The following CRIM1 variants were observed in gnomAD, a reference collection of about 807,000 sequenced individuals.
CRIM1 encodes the protein cysteine rich transmembrane BMP regulator 1, also known as cysteine-rich motor neuron 1 protein.
A neutral mutation model predicts 116.4 loss-of-function variants in CRIM1; 32 were observed. The ratio of observed to expected loss-of-function variants is 0.27; its 90% CI spans 0.21 to 0.37. The LOEUF (loss-of-function observed/expected upper bound fraction) is 0.37. Among genes scored for constraint, CRIM1 ranks in the 10% least tolerant of loss-of-function variants. The pLI is 1.00. For synonymous variants in CRIM1, 590 were observed against 509.2 expected (o/e 1.16, Z -2.13); for missense variants, 1,331 against 1,354.8 (o/e 0.98, Z 0.28).
rs576206932 is a variant in CRIM1 at position 36,439,913 on chromosome 2, G to A, written c.506-1345G>A. ...GGAACCTGTGTCTTTCCTCTTTACT[G>A]ACATATCCCAAGCTGCTGAAGCAAC... On this transcript the variant is annotated intron_variant, in intron 2 of 16. Coordinates refer to ENST00000280527, the MANE Select transcript of CRIM1 (RefSeq NM_016441.3). 5.3e-5 allele frequency among the ~76,000 whole-genome samples: 8 copies of A among 152,218 alleles called. No individual in the cohort carries two copies. The South Asian group carries it at 1.2e-3, about 24-fold the overall frequency.
In CRIM1 at chr2:36,522,254, C is replaced by T; in HGVS notation, c.2369C>T (p.Pro790Leu). Residue 790 changes from proline (P) to leucine (L), a missense_variant, in exon 13 of 17, where the codon CCT becomes CTT. Pro to Leu is a moderately conservative substitution (Grantham distance 98, BLOSUM62 -3). Coordinates refer to ENST00000280527, the MANE Select transcript of CRIM1 (RefSeq NM_016441.3). Reference sequence around the variant, plus strand: ...ATTAGCTGTTTCTCTGAGTCCTGCCCTTCTGTATCCTGTGAAAGACCTGTC... The same window carrying T: ...ATTAGCTGTTTCTCTGAGTCCTGCCTTTCTGTATCCTGTGAAAGACCTGTC... ...SVISCFSESC[P>L]SVSCERPVLR... The T allele has an allele frequency of 6.2e-7, 1 of 1,614,158 alleles. No individual in the cohort carries two copies. Among genetic ancestry groups the T allele is most frequent in the African/African-American group, 1.3e-5 (1 of 75,044 alleles).
intron 5 of CRIM1, among the ~76,000 whole-genome samples, chr2:36,466,591 G>A (rs535266473): frequency 8.8e-4 from 134 of 152,298 alleles, no homozygotes; most frequent in Non-Finnish European, 1.5e-3. Flanking sequence ...GCTCATGCCT[G>A]TCTCTCACTC....
chr2:36,373,564 G>C (rs1670089285), intron 1 of CRIM1, among the ~76,000 whole-genome samples: 1 of 152,176 alleles, frequency 6.6e-6, no homozygotes, highest in Admixed American at 6.5e-5. Context: ...ATTTGTTTGT[G>C]ATAGAGAAAG....
intron 7 of CRIM1, among the ~76,000 whole-genome samples, chr2:36,493,941 G>A (rs1310786913): frequency 6.6e-6 from 1 of 152,020 alleles, no homozygotes; most frequent in East Asian, 1.9e-4. Context: ...ATAATGTGAG[G>A]GTAAGACTGA....
chr2:36,544,429 G>A lies in CRIM1; in HGVS notation c.2677G>A (p.Gly893Arg). ...NIPIEKTNHR[G>R]EVDLEVPLWP... ...ACCCATTGAGAAGACAAACCATCGA[G>A]GAGAGGTTGACCTGGAGGTTCCCCT... Residue 893 changes from glycine (G) to arginine (R), a missense_variant, in exon 15 of 17, where the codon GGA becomes AGA. Transcript: ENST00000280527. 7.0e-7 allele frequency: 1 copy of A among 1,431,084 alleles called. No individual in the cohort carries two copies. The highest frequency in any genetic ancestry group is 9.2e-7 in the Non-Finnish European group (1 of 1,086,822). 88.6% of individuals were successfully genotyped at this position (1,431,084 alleles called of 1,614,324 possible).
At chr2:36,377,757 C>T (rs1205972684) in intron 1 of CRIM1, among the ~76,000 whole-genome samples, 1 of 152,100 alleles carries the variant, frequency 6.6e-6, no homozygotes, top group Middle Eastern at 3.2e-3. Context: ...ATGTAATATT[C>T]AGAAGGTGGG....
chr2:36,400,419 C>G (rs188057267), intron 2 of CRIM1, among the ~76,000 whole-genome samples: 1 of 152,110 alleles, frequency 6.6e-6, no homozygotes, highest in East Asian at 1.9e-4. Context: ...ATGAAGATGC[C>G]AAGGAATAGT....
rs1295560725 is a variant in CRIM1, at chr2:36,547,228, A to G, written c.2934+57A>G. 3 of 1,403,544 alleles carry G rather than the reference A, an allele frequency of 2.1e-6. No individual in the cohort carries two copies. In the East Asian group the frequency reaches 6.9e-5, roughly 32 times the overall value. 86.9% of individuals were successfully genotyped at this position (1,403,544 alleles called of 1,614,324 possible). A position where few individuals can be genotyped will look rare whatever the true frequency, so the allele number is the denominator to read the frequency against. On this transcript the variant is annotated intron_variant, in intron 16 of 16. Coordinates refer to ENST00000280527, the MANE Select transcript of CRIM1 (RefSeq NM_016441.3). The stretch of plus-strand genomic sequence containing the variant: ...GATGAATCTAGGAAAACTTACACTC[A>G]TATTGAAATTGCTTGAAACCTTGTG...
At chr2:36,399,283 G>T (rs1402000770) in intron 2 of CRIM1, among the ~76,000 whole-genome samples, 1 of 152,214 alleles carries the variant, frequency 6.6e-6, no homozygotes, top group Non-Finnish European at 1.5e-5. Context: ...TCAACATTAG[G>T]CAGACTTTGG....
chr2:36,404,377 C>T (rs903594327), intron 2 of CRIM1, among the ~76,000 whole-genome samples: 7 of 152,082 alleles, frequency 4.6e-5, no homozygotes, highest in African/African-American at 1.7e-4. Flanking sequence ...AGAGTAGAAG[C>T]ACTGAAATGA....
intron 13 of CRIM1, among the ~76,000 whole-genome samples, chr2:36,530,060 TATAAA>T (rs1354150313): frequency 1.3e-5 from 2 of 152,160 alleles, no homozygotes; most frequent in Non-Finnish European, 2.9e-5. Flanking sequence ...AGCTAAAAGT[TATAAA>T]GTAAAATACC....
intron 5 of CRIM1, among the ~76,000 whole-genome samples, chr2:36,467,290 A>C (rs1429186651): frequency 6.6e-6 from 1 of 152,216 alleles, no homozygotes; most frequent in Non-Finnish European, 1.5e-5. Flanking sequence ...CTAGGAACTA[A>C]TACTGTGAAG....
intron 14 of CRIM1, among the ~76,000 whole-genome samples, 188 bp downstream of exon 14, chr2:36,537,734 C>G (rs1420994406): frequency 6.6e-6 from 1 of 152,222 alleles, no homozygotes; most frequent in African/African-American, 2.4e-5. Flanking sequence ...CGATGAGGGG[C>G]AGATTTTGGT....
intron 1 of CRIM1, among the ~76,000 whole-genome samples, chr2:36,393,012 A>T (rs1454142531): frequency 6.6e-6 from 1 of 152,186 alleles, no homozygotes; most frequent in Non-Finnish European, 1.5e-5. Flanking sequence ...GAAAACAGCA[A>T]GGGGCCAGCG....
At chr2:36,495,564 G>A (rs1313605318) in intron 7 of CRIM1, among the ~76,000 whole-genome samples, 3 of 148,390 alleles carry the variant, frequency 2.0e-5, no homozygotes, top group Non-Finnish European at 4.5e-5. Context: ...TCTCCCACCA[G>A]GAACTCTCTT....
Position 36,479,595 on chromosome 2 carries a change from C to G in CRIM1, c.1273C>G (p.Gln425Glu), listed in dbSNP as rs1679248711. Residue 425 changes from glutamine (Q) to glutamate (E), a missense_variant, in exon 7 of 17, where the codon CAG (glutamine) becomes GAG (glutamate). By Grantham distance (29) the Gln-to-Glu change is conservative. This residue lies in a region of CRIM1 where 690 missense variants were observed against 676.0 expected (regional missense o/e 1.02). Transcript: ENST00000280527. ...RWREDDCTFC[Q>E]CVNGERHCVA... ...GCGGGAAGACGACTGCACATTCTGC[C>G]AGTGCGTCAACGGTGAACGCCACTG... The G allele has an allele frequency of 2.5e-6, 4 of 1,614,238 alleles. No individual in the cohort carries two copies. The East Asian group carries it at 8.9e-5, about 36-fold the overall frequency.
chr2:36,464,500 C>G lies in CRIM1; in HGVS notation c.870-34C>G, dbSNP rs767333112. On this transcript the variant is annotated intron_variant, in intron 4 of 16. Transcript: ENST00000280527. ...CCCGACTTCTATGTTGTTGTTTATT[C>G]ATGGGGTTTTCCTTCCCTTTTCTTT... 6 of 1,613,098 alleles carry G rather than the reference C, an allele frequency of 3.7e-6. No individual in the cohort carries two copies. The South Asian group carries it at 6.6e-5, about 18-fold the overall frequency.
intron 1 of CRIM1, among the ~76,000 whole-genome samples, chr2:36,388,467 A>C (rs547242937): frequency 7.9e-5 from 12 of 152,336 alleles, no homozygotes; most frequent in African/African-American, 2.9e-4. Context: ...TTCAATAAAG[A>C]TGCTAGAATC....
In CRIM1 at chr2:36,370,251, T is replaced by TA. The variant is rs1669860683; in HGVS notation, c.331+13629dup. On this transcript the variant is annotated intron_variant, in intron 1 of 16. Coordinates refer to ENST00000280527, the MANE Select transcript of CRIM1 (RefSeq NM_016441.3). ...GCCATCATTAAACAGTTTTTGACCT[T>TA]ACGCAGAAACTTTAAATGTGACAGC... 3.3e-5 allele frequency among the ~76,000 whole-genome samples: 5 copies of TA among 152,062 alleles called. No individual in the cohort carries two copies. The South Asian group carries it at 6.3e-4, about 19-fold the overall frequency.
Sources: gnomAD v4.1 joint callset for allele counts (sites outside exome capture counted in the v4.1 genomes callset) on GRCh38, gnomAD v4.1.1 for gene constraint, gnomAD v4.1.1 regional missense constraint, MANE v1.5 for transcripts, NCBI Gene and HGNC (gene_info 2026-07-23, HGNC 2026-07-21) for gene names.